The following THEMIS variants were observed in gnomAD, a reference collection of about 807,000 sequenced individuals.
THEMIS encodes the protein thymocyte selection associated.
Under a neutral mutation model 52.6 loss-of-function variants are expected in THEMIS, and 37 were observed. The ratio of observed to expected loss-of-function variants is 0.70; its 90% CI spans 0.54 to 0.93. THEMIS has a LOEUF of 0.93. THEMIS is among the 40% of genes least tolerant of loss of function. The probability of loss-of-function intolerance (pLI) is 0.00; values close to 1 mark genes in which losing one functional copy is unlikely to be tolerated. For missense variants in THEMIS, 808 were observed against 763.1 expected (o/e 1.06, Z -0.69); for synonymous variants, 292 against 272.7 (o/e 1.07, Z -0.70).
In THEMIS at chr6:127,858,991, T is replaced by C. The variant is rs180777774; in HGVS notation, c.92-3803A>G. Among the ~76,000 whole-genome samples the C allele has an allele frequency of 1.6e-3, 251 of 152,246 alleles. 3 individuals are homozygous for C. The South Asian group carries it at 0.022, about 13-fold the overall frequency. On this transcript the variant is annotated intron_variant, in intron 1 of 5. Transcript: ENST00000368248. ...AATATCCTTTTATGAGCTCATCCCTTGTTTGACAATCCATATAAGCAATGC... is the reference window on the plus strand; with the variant it reads ...AATATCCTTTTATGAGCTCATCCCTCGTTTGACAATCCATATAAGCAATGC...
chr6:127,878,884 C>G (rs1008147573), intron 1 of THEMIS, among the ~76,000 whole-genome samples: 1 of 152,152 alleles, frequency 6.6e-6, no homozygotes, highest in Non-Finnish European at 1.5e-5. Flanking sequence ...TGCTATAGGT[C>G]ACTTGTCAGA....
At chr6:127,822,282 C>T (rs1290110404) in intron 3 of THEMIS, among the ~76,000 whole-genome samples, 1 of 151,946 alleles carries the variant, frequency 6.6e-6, no homozygotes, top group Non-Finnish European at 1.5e-5. Flanking sequence ...CATTTGATCT[C>T]AATTTTCTTT....
chr6:127,903,498 G>A (rs1405333832), upstream of THEMIS, among the ~76,000 whole-genome samples: 2 of 151,874 alleles, frequency 1.3e-5, no homozygotes, highest in East Asian at 1.9e-4. Flanking sequence ...TCAACAAATG[G>A]TTGTTAAATA....
intron 4 of THEMIS, among the ~76,000 whole-genome samples, chr6:127,722,712 C>G (rs903223860): frequency 6.6e-6 from 1 of 151,928 alleles, no homozygotes; most frequent in Non-Finnish European, 1.5e-5. Flanking sequence ...GCAACCTTAC[C>G]TCCTTGCAAA....
At chr6:127,756,808 C>T (rs1775842421) in intron 4 of THEMIS, among the ~76,000 whole-genome samples, 1 of 152,110 alleles carries the variant, frequency 6.6e-6, no homozygotes, top group African/African-American at 2.4e-5. Flanking sequence ...AAAAATGCTA[C>T]CACAATTAAT....
intron 1 of THEMIS, among the ~76,000 whole-genome samples, chr6:127,914,814 G>A (rs983345499): frequency 1.3e-5 from 2 of 152,132 alleles, no homozygotes. Flanking sequence ...AGAGCCAGGA[G>A]GTAACTATAT....
intron 4 of THEMIS, among the ~76,000 whole-genome samples, chr6:127,749,140 G>A (rs1775549625): frequency 6.6e-6 from 1 of 152,066 alleles, no homozygotes; most frequent in African/African-American, 2.4e-5. Context: ...ATTCAGCCAT[G>A]AGGATATTAT....
At chr6:127,754,155 A>G (rs1210333222) in intron 4 of THEMIS, among the ~76,000 whole-genome samples, 1 of 152,172 alleles carries the variant, frequency 6.6e-6, no homozygotes, top group Non-Finnish European at 1.5e-5. Context: ...TACAAAACAT[A>G]CATTATACAA....
At chr6:127,883,451 C>G (rs1013453133) in intron 1 of THEMIS, among the ~76,000 whole-genome samples, 27 of 151,358 alleles carry the variant, frequency 1.8e-4, no homozygotes, top group African/African-American at 6.3e-4. Flanking sequence ...TATATATATA[C>G]ATATGAACAC....
intron 4 of THEMIS, among the ~76,000 whole-genome samples, chr6:127,775,121 T>A (rs1006615721): frequency 6.6e-6 from 1 of 152,064 alleles, no homozygotes; most frequent in Non-Finnish European, 1.5e-5. Flanking sequence ...CCCATATATG[T>A]TCCCTGGGGT....
chr6:127,717,559 CATCAGTGGCTGACA>C (rs1442778729), intron 5 of THEMIS, among the ~76,000 whole-genome samples: 4 of 151,886 alleles, frequency 2.6e-5, no homozygotes, highest in Non-Finnish European at 5.9e-5. Flanking sequence ...TTAGTGAAGA[CATCAGTGGCTGACA>C]GCACTGATCC....
chr6:127,767,433 A>C (rs988161290), intron 4 of THEMIS, among the ~76,000 whole-genome samples: 11 of 151,884 alleles, frequency 7.2e-5, no homozygotes, highest in Admixed American at 7.2e-4. Context: ...CTTTTTTTTC[A>C]ATGTTTAAAA....
chr6:127,725,430 CTGTG>C (rs143520649), intron 4 of THEMIS, among the ~76,000 whole-genome samples: 2 of 149,436 alleles, frequency 1.3e-5, no homozygotes, highest in African/African-American at 2.4e-5. Context: ...CTGTCTCCTA[CTGTG>C]TGTGTGTGTG....
chr6:127,775,356 G>A (rs1258065302), intron 4 of THEMIS, among the ~76,000 whole-genome samples: 3 of 152,126 alleles, frequency 2.0e-5, no homozygotes, highest in Non-Finnish European at 2.9e-5. Flanking sequence ...CAAAAGTGAC[G>A]TCCACCTATT....
Position 127,813,825 on chromosome 6 carries a change from ATCT to A in THEMIS, c.813_815del (p.Glu271del), listed in dbSNP as rs1778029561. 6.2e-7 allele frequency: 1 copy of A among 1,613,946 alleles called. No homozygotes were observed. Among genetic ancestry groups the A allele is most frequent in the Non-Finnish European group, 8.5e-7 (1 of 1,179,928 alleles). On this transcript the variant is annotated inframe_deletion, in exon 4 of 6. Transcript: ENST00000368248. The stretch of plus-strand genomic sequence containing the variant: ...ACTCTTTACTAGTCATTTCAAAAAG[ATCT>A]TCTGTTGATAACAGCTGAAGAAACC...
intron 2 of THEMIS, among the ~76,000 whole-genome samples, chr6:127,830,690 A>AAAAAAATAAAAAAT (rs545468594): frequency 1.3e-5 from 2 of 152,048 alleles, no homozygotes; most frequent in African/African-American, 4.8e-5. Context: ...TGTCTCTCAA[A>AAAAAAATAAAAAAT]AAAAAATAAA....
chr6:127,823,466 G>C (rs2114641614), intron 3 of THEMIS, among the ~76,000 whole-genome samples: 1 of 152,208 alleles, frequency 6.6e-6, no homozygotes, highest in Non-Finnish European at 1.5e-5. Flanking sequence ...GCTTTGTACT[G>C]TGAAACATAA....
At chr6:127,732,692 T>C (rs1288491243) in intron 4 of THEMIS, among the ~76,000 whole-genome samples, 4 of 152,226 alleles carry the variant, frequency 2.6e-5, no homozygotes, top group Admixed American at 6.5e-5. Context: ...TTTATATCCA[T>C]AGCATCATTC....
At chr6:127,911,343 C>A (rs528832980) in intron 1 of THEMIS, among the ~76,000 whole-genome samples, 1 of 150,714 alleles carries the variant, frequency 6.6e-6, no homozygotes, top group Admixed American at 6.6e-5. Flanking sequence ...TTTCTGTCTT[C>A]TCCTTCATTT....
Sources: allele counts gnomAD v4.1 joint callset (sites outside exome capture counted in the v4.1 genomes callset), GRCh38; gene constraint gnomAD v4.1.1; transcripts MANE v1.5; gene names NCBI Gene and HGNC (gene_info 2026-07-23, HGNC 2026-07-21).